The following MFAP5 variants were observed in gnomAD, a reference collection of about 807,000 sequenced individuals.
The protein encoded by MFAP5 is microfibril associated protein 5, also known as microfibrillar-associated protein 5.
A neutral mutation model predicts 30.1 loss-of-function variants in MFAP5; 19 were observed. That is an observed-to-expected ratio of 0.63 (90% confidence interval 0.44 to 0.93). The LOEUF (loss-of-function observed/expected upper bound fraction) is 0.93. Among genes scored for constraint, MFAP5 ranks in the 40% least tolerant of loss-of-function variants. The pLI is 0.00. For missense variants in MFAP5, 210 were observed against 221.3 expected (o/e 0.95, Z 0.32); for synonymous variants, 92 against 72.9 (o/e 1.26, Z -1.33).
At chr12:8,660,842 G>T in intron 3 of MFAP5, 21 bp downstream of exon 3, 3 of 1,603,400 alleles carry the variant, frequency 1.9e-6, no homozygotes, top group Non-Finnish European at 2.6e-6. Flanking sequence ...CAACAGAGCC[G>T]CTATCCAAGG....
chr12:8,656,322 A>G (rs960809079), intron 3 of MFAP5, among the ~76,000 whole-genome samples: 9 of 151,806 alleles, frequency 5.9e-5, no homozygotes, highest in African/African-American at 2.2e-4. Context: ...TGCTGGGATT[A>G]CAGGCGTGAG....
At chr12:8,657,618 G>A (rs972233635) in intron 3 of MFAP5, among the ~76,000 whole-genome samples, 1 of 141,042 alleles carries the variant, frequency 7.1e-6, no homozygotes, top group African/African-American at 2.7e-5. Flanking sequence ...CGCCCAGGCT[G>A]GAGTGCAGTG....
intron 3 of MFAP5, chr12:8,658,476 A>C (rs1481157550): frequency 1.3e-5 from 2 of 152,216 alleles, no homozygotes; most frequent in Admixed American, 6.5e-5. Flanking sequence ...TTTTAACAAA[A>C]GGAATCCAAG....
Position 8,661,107 on chromosome 12 carries a change from T to C in MFAP5, c.59-209A>G, listed in dbSNP as rs1040344909. ...AAAGACTTCAGAAAGACAAGTTCCT[T>C]CACTGCTGTGCATTTGTTTGGTAAA... On this transcript the variant is annotated intron_variant, in intron 2 of 9. Coordinates refer to ENST00000359478, the MANE Select transcript of MFAP5 (RefSeq NM_003480.4). Among the ~76,000 whole-genome samples, 3 of 152,108 alleles carry C rather than the reference T, an allele frequency of 2.0e-5. No individual in the cohort carries two copies. The South Asian group carries it at 6.2e-4, about 31-fold the overall frequency.
chr12:8,657,566 C>CTTT (rs35916052), intron 3 of MFAP5, among the ~76,000 whole-genome samples: 16 of 128,128 alleles, frequency 1.2e-4, no homozygotes, highest in East Asian at 2.1e-4. Context: ...TTTGCTTTGA[C>CTTT]TTTTTTTTTT....
At chr12:8,653,306 T>A (rs1941893615) in intron 6 of MFAP5, among the ~76,000 whole-genome samples, 1 of 152,120 alleles carries the variant, frequency 6.6e-6, no homozygotes, top group African/African-American at 2.4e-5. Flanking sequence ...CAGGGCAGCA[T>A]CTTTTACTGG....
chr12:8,650,740 G>A (rs765026607), intron 7 of MFAP5, 151 bp from the exon 8 acceptor site: 15 of 675,934 alleles, frequency 2.2e-5, no homozygotes, highest in East Asian at 1.4e-4. Context: ...CATCCTTTCC[G>A]TCCACCAAAA....
At chr12:8,661,412 T>A (rs1015337691) in intron 2 of MFAP5, among the ~76,000 whole-genome samples, 1 of 152,180 alleles carries the variant, frequency 6.6e-6, no homozygotes, top group Non-Finnish European at 1.5e-5. Flanking sequence ...GAAGATCACT[T>A]TTCTCTTGTG....
chr12:8,654,966 T>G (rs903225271), intron 5 of MFAP5, among the ~76,000 whole-genome samples: 3 of 146,872 alleles, frequency 2.0e-5, no homozygotes, highest in African/African-American at 7.6e-5. Context: ...AAATTAGCAC[T>G]GTCACTGAAC....
At chr12:8,656,147 G>A (rs1327211510) in intron 3 of MFAP5, among the ~76,000 whole-genome samples, 1 of 143,818 alleles carries the variant, frequency 7.0e-6, no homozygotes, top group African/African-American at 2.6e-5. Flanking sequence ...TGCAAGCTCC[G>A]CCTCCCGGGT....
chr12:8,654,054 A>G (rs1430084205), intron 6 of MFAP5, among the ~76,000 whole-genome samples: 2 of 149,194 alleles, frequency 1.3e-5, no homozygotes, highest in African/African-American at 5.0e-5. Context: ...TGAACCCAGG[A>G]GGCGGAGGCC....
chr12:8,659,826 C>T (rs944454816), intron 3 of MFAP5, among the ~76,000 whole-genome samples: 3 of 152,126 alleles, frequency 2.0e-5, no homozygotes, highest in Middle Eastern at 3.2e-3. Flanking sequence ...CAATGCATCC[C>T]GGTATATTTG....
At position 8,660,870 on chromosome 12, in the gene MFAP5, T is replaced by C; in HGVS notation, c.87A>G (p.Gln29=). ...SDWIPLGVNS[Q]RGDDVTQATP... ...ATCCAAGGGTTCACCTACCTCCTCG[T>C]TGACTATTGACCCCCAGGGGTATCC... is the stretch of plus-strand genomic sequence containing the variant. Residue 29 remains glutamine (Q), a synonymous_variant, in exon 3 of 10, where the codon CAA becomes CAG. Transcript: ENST00000359478. 1.2e-6 allele frequency: 2 copies of C among 1,612,814 alleles called. No individual in the cohort carries two copies. Among genetic ancestry groups the C allele is most frequent in the Non-Finnish European group, 1.7e-6 (2 of 1,178,932 alleles).
intron 8 of MFAP5, chr12:8,650,246 T>G (rs2136460938): frequency 2.2e-6 from 1 of 462,578 alleles, no homozygotes; most frequent in African/African-American, 1.9e-5. Context: ...AGCATGCCAG[T>G]ATTTCCCTCA....
intron 2 of MFAP5, 119 bp downstream of exon 2, chr12:8,661,928 G>T: frequency 2.0e-6 from 2 of 980,572 alleles, no homozygotes; most frequent in Non-Finnish European, 1.6e-6. Context: ...GAATTCCAGA[G>T]CTCAATACCA....
In MFAP5 at chr12:8,648,061, C is replaced by G; in HGVS notation, c.*30G>C. 1 of 1,533,014 alleles carries G rather than the reference C, an allele frequency of 6.5e-7. No individual in the cohort carries two copies. Among genetic ancestry groups the G allele is most frequent in the Non-Finnish European group, 9.0e-7 (1 of 1,107,716 alleles). 95.0% of individuals were successfully genotyped at this position (1,533,014 alleles called of 1,614,324 possible). A position where few individuals can be genotyped will look rare whatever the true frequency, so the allele number is the denominator to read the frequency against. ...GAGATCCTCCTTCCTCTCACCCATA[C>G]ATTTTTTCTTCTTTCCTCTTTTTCA... On this transcript the variant is annotated 3_prime_UTR_variant, in exon 10 of 10. Transcript: ENST00000359478.
At chr12:8,649,873 A>G (rs1438943162) in intron 8 of MFAP5, among the ~76,000 whole-genome samples, 1 of 152,080 alleles carries the variant, frequency 6.6e-6, no homozygotes, top group African/African-American at 2.4e-5. Flanking sequence ...ATTTGGGTGC[A>G]CCCGTCACCC....
chr12:8,657,705 T>G (rs373464813), intron 3 of MFAP5, among the ~76,000 whole-genome samples: 2 of 147,474 alleles, frequency 1.4e-5, no homozygotes, highest in African/African-American at 5.1e-5. Flanking sequence ...CCTGAGTGGC[T>G]GGGACACAGG....
At chr12:8,650,694 A>T in intron 7 of MFAP5, 105 bp from the exon 8 acceptor site, 1 of 916,440 alleles carries the variant, frequency 1.1e-6, no homozygotes. Flanking sequence ...AAAAATACAG[A>T]GTAATCTCTA....
Sources: allele counts gnomAD v4.1 joint callset (sites outside exome capture counted in the v4.1 genomes callset), GRCh38; gene constraint gnomAD v4.1.1; transcripts MANE v1.5; gene names NCBI Gene and HGNC (gene_info 2026-07-23, HGNC 2026-07-21).